PSAT1: variants seen among roughly 807,000 people sequenced by gnomAD.
The protein encoded by PSAT1 is phosphoserine aminotransferase.
Under a neutral mutation model 40.3 loss-of-function variants are expected in PSAT1, and 41 were observed. The observed-to-expected ratio is 1.02, with a 90% CI of 0.79 to 1.32. The LOEUF (loss-of-function observed/expected upper bound fraction) is 1.32, where lower values mean the gene tolerates loss of function less well. PSAT1 is among the 40% of genes most tolerant of loss of function. The pLI is 0.00. For missense variants in PSAT1, 406 were observed against 455.8 expected (o/e 0.89, Z 0.99); for synonymous variants, 147 against 170.5 (o/e 0.86, Z 1.07).
intron 7 of PSAT1, among the ~76,000 whole-genome samples, chr9:78,326,474 G>T (rs1801885440): frequency 6.6e-6 from 1 of 152,070 alleles, no homozygotes; most frequent in African/African-American, 2.4e-5. Context: ...AATCATTTTT[G>T]AGAGTCGATA....
At position 78,300,677 on chromosome 9, in the gene PSAT1, T is replaced by G; in HGVS notation, c.121+15T>G. The G allele has an allele frequency of 6.3e-7, 1 of 1,597,562 alleles. No homozygotes were observed. Among genetic ancestry groups the G allele is most frequent in the Non-Finnish European group, 8.5e-7 (1 of 1,174,988 alleles). ...TAGTGTTCTTGGTAAGATTTACTTT[T>G]GAATTCTGTGAATGTCCATGTTTCA... On this transcript the variant is annotated intron_variant, in intron 2 of 8. Transcript: ENST00000376588.
chr9:78,304,729 G>A lies in PSAT1; in HGVS notation c.192-6G>A. The stretch of plus-strand genomic sequence containing the variant: ...TGTATTGACTGTTACCTATGCTTCT[G>A]CCCAGAGCTGTTCCAGACAACTATA... On this transcript the variant is annotated splice_region_variant and splice_polypyrimidine_tract_variant and intron_variant, in intron 3 of 8. Transcript: ENST00000376588. The A allele has an allele frequency of 6.2e-7, 1 of 1,610,744 alleles. No individual in the cohort carries two copies. The highest frequency in any genetic ancestry group is 1.1e-5 in the South Asian group (1 of 91,016).
chr9:78,307,509 A>G (rs930737052), intron 5 of PSAT1, among the ~76,000 whole-genome samples: 3 of 152,200 alleles, frequency 2.0e-5, no homozygotes, highest in Non-Finnish European at 4.4e-5. Context: ...ATAACTATAA[A>G]TTACTTTCCC....
At chr9:78,298,658 T>C (rs770267456) in intron 1 of PSAT1, among the ~76,000 whole-genome samples, 1 of 152,170 alleles carries the variant, frequency 6.6e-6, no homozygotes, top group Non-Finnish European at 1.5e-5. Flanking sequence ...TTGTCATCAG[T>C]AATACAATTA....
At chr9:78,304,487 A>G (rs917444037) in intron 3 of PSAT1, among the ~76,000 whole-genome samples, 5 of 152,206 alleles carry the variant, frequency 3.3e-5, no homozygotes, top group South Asian at 2.1e-4. Context: ...GGCTGTTGTC[A>G]CTAAGAAGAG....
At chr9:78,319,328 C>T (rs1255531820) in intron 7 of PSAT1, among the ~76,000 whole-genome samples, 1 of 152,194 alleles carries the variant, frequency 6.6e-6, no homozygotes, top group Non-Finnish European at 1.5e-5. Flanking sequence ...TTTCTGTGAG[C>T]TCTTGACATG....
intron 7 of PSAT1, among the ~76,000 whole-genome samples, chr9:78,326,955 A>ATATATATATATATATTTTTTTT: frequency 4.0e-5 from 3 of 75,934 alleles, no homozygotes; most frequent in African/African-American, 2.8e-4. Context: ...ATATATATAT[A>ATATATATATATATATTTTTTTT]TTTTTTTTTT....
Position 78,297,290 on chromosome 9 carries a change from C to A in PSAT1, c.60+20C>A, listed in dbSNP as rs2118610712. The stretch of plus-strand genomic sequence containing the variant: ...CACTCAGTAAGTCCCCGCGAGCGGG[C>A]GCCGGGAGTGAGGTTCAGGCGGGAG... On this transcript the variant is annotated intron_variant, in intron 1 of 8. Coordinates refer to ENST00000376588, the MANE Select transcript of PSAT1 (RefSeq NM_058179.4). 2.5e-6 allele frequency: 4 copies of A among 1,589,904 alleles called. No individual in the cohort carries two copies. The highest frequency in any genetic ancestry group is 3.4e-6 in the Non-Finnish European group (4 of 1,173,878).
At chr9:78,324,084 G>A (rs1037137440) in intron 7 of PSAT1, among the ~76,000 whole-genome samples, 3 of 152,140 alleles carry the variant, frequency 2.0e-5, no homozygotes, top group African/African-American at 7.2e-5. Context: ...GAAAGTCCCG[G>A]TGTGTCCCTG....
intron 1 of PSAT1, chr9:78,298,304 T>C (rs1313323996): frequency 1.9e-5 from 19 of 985,268 alleles, no homozygotes; most frequent in Non-Finnish European, 2.0e-5. Flanking sequence ...TGATAATATG[T>C]TGGAGCAGCA....
At chr9:78,328,699 A>T (rs111900381) in intron 8 of PSAT1, among the ~76,000 whole-genome samples, 4 of 152,186 alleles carry the variant, frequency 2.6e-5, no homozygotes, top group African/African-American at 9.7e-5. Context: ...TCTTCTTCCA[A>T]CTTACCTTTT....
chr9:78,324,337 C>G (rs1240221344), intron 7 of PSAT1, among the ~76,000 whole-genome samples: 1 of 152,174 alleles, frequency 6.6e-6, no homozygotes, highest in Non-Finnish European at 1.5e-5. Context: ...TTGACATCTT[C>G]GTGCTCCACC....
intron 6 of PSAT1, among the ~76,000 whole-genome samples, chr9:78,314,038 C>G (rs1026303285): frequency 2.0e-5 from 3 of 152,176 alleles, no homozygotes; most frequent in Non-Finnish European, 4.4e-5. Context: ...GAACCCTATC[C>G]TGTGTGTTTG....
rs3739475 is a variant in PSAT1, at chr9:78,308,249, G to A, written c.571-165G>A. On this transcript the variant is annotated intron_variant, in intron 5 of 8. Transcript: ENST00000376588. ...CTCAGGCTTTGGAACTCTGAGTATGGGTTTGCTGTCCACATGGAGATTGCT... is the reference window on the plus strand; with the variant it reads ...CTCAGGCTTTGGAACTCTGAGTATGAGTTTGCTGTCCACATGGAGATTGCT... 0.15 allele frequency among the ~76,000 whole-genome samples: 23,390 copies of A among 152,074 alleles called. 2,317 individuals are homozygous for A. The highest frequency in any genetic ancestry group is 0.44 in the East Asian group (2,242 of 5,144).
chr9:78,315,789 A>G (rs189885830), intron 6 of PSAT1, among the ~76,000 whole-genome samples: 3 of 152,340 alleles, frequency 2.0e-5, no homozygotes, highest in East Asian at 1.9e-4. Flanking sequence ...GCCAGTTGGT[A>G]TAGGGGGCTT....
chr9:78,329,334 C>T lies in PSAT1; in HGVS notation c.*248C>T, dbSNP rs1828548019. The T allele has an allele frequency of 6.1e-6, 3 of 493,662 alleles. No individual in the cohort carries two copies. The East Asian group carries it at 1.1e-4, about 19-fold the overall frequency. 30.6% of individuals were successfully genotyped at this position (493,662 alleles called of 1,614,324 possible). ...ATCTTGTTGCTTTTCTAACAAATTC[C>T]CGCGTATTTTGCCTTTGCTGCTACT... On this transcript the variant is annotated 3_prime_UTR_variant, in exon 9 of 9. Transcript: ENST00000376588.
chr9:78,306,528 G>C, intron 5 of PSAT1, 42 bp downstream of exon 5: 3 of 1,611,324 alleles, frequency 1.9e-6, no homozygotes, highest in Middle Eastern at 1.7e-4. Context: ...CACTGACTCG[G>C]TGTCTGCAGG....
At chr9:78,325,896 A>G (rs1828491080) in intron 7 of PSAT1, among the ~76,000 whole-genome samples, 1 of 152,166 alleles carries the variant, frequency 6.6e-6, no homozygotes, top group African/African-American at 2.4e-5. Context: ...AACTGTAAAT[A>G]CGGATGCTTA....
chr9:78,320,674 TCCATCCATCCAACC>T (rs1828417236), intron 7 of PSAT1, among the ~76,000 whole-genome samples: 1 of 50,608 alleles, frequency 2.0e-5, no homozygotes, highest in Non-Finnish European at 8.3e-5. Context: ...TATCCATCTG[TCCATCCATCCAACC>T]GTCCATCCAT....
Sources: allele counts gnomAD v4.1 joint callset (sites outside exome capture counted in the v4.1 genomes callset), GRCh38; gene constraint gnomAD v4.1.1; transcripts MANE v1.5; gene names NCBI Gene and HGNC (gene_info 2026-07-23, HGNC 2026-07-21).